AFG1L: variants seen among roughly 807,000 people sequenced by gnomAD.
AFG1L encodes AFG1 like ATPase.
Under a neutral mutation model 62.2 loss-of-function variants are expected in AFG1L, and 53 were observed. The observed-to-expected ratio is 0.85, with a 90% CI of 0.68 to 1.07. The LOEUF (loss-of-function observed/expected upper bound fraction) is 1.07, where lower values mean the gene tolerates loss of function less well. Ranked by LOEUF, AFG1L falls within the 50% of genes least tolerant of loss-of-function variation. The probability of loss-of-function intolerance (pLI) is 0.00; values close to 1 mark genes in which losing one functional copy is unlikely to be tolerated. For missense variants in AFG1L, 555 were observed against 590.5 expected, an observed-to-expected ratio of 0.94 and a Z score of 0.62; for synonymous variants, 228 against 210.3, an observed-to-expected ratio of 1.08 and a Z score of -0.73.
intron 8 of AFG1L, among the ~76,000 whole-genome samples, chr6:108,471,118 G>A (rs760696375): frequency 1.6e-4 from 24 of 152,154 alleles, no homozygotes; most frequent in Non-Finnish European, 2.4e-4. Context: ...TGACAGAATC[G>A]TTTCAACTCT....
chr6:108,377,424 T>C (rs1314183364), intron 6 of AFG1L, among the ~76,000 whole-genome samples: 1 of 152,204 alleles, frequency 6.6e-6, no homozygotes, highest in South Asian at 2.1e-4. Context: ...AGGGATCTAT[T>C]GTAAGGCTGC....
chr6:108,485,390 A>G (rs570209889), intron 10 of AFG1L, among the ~76,000 whole-genome samples: 3 of 151,976 alleles, frequency 2.0e-5, no homozygotes, highest in East Asian at 1.9e-4. Context: ...GAGGGTCTCA[A>G]TGGAAGAGTA....
chr6:108,445,873 A>G (rs560094252), intron 7 of AFG1L, among the ~76,000 whole-genome samples: 1 of 152,278 alleles, frequency 6.6e-6, no homozygotes, highest in South Asian at 2.1e-4. Flanking sequence ...TACTACAAGA[A>G]TTACCAAAAT....
At chr6:108,498,358 T>C (rs888172778) in intron 10 of AFG1L, among the ~76,000 whole-genome samples, 3 of 152,216 alleles carry the variant, frequency 2.0e-5, no homozygotes, top group Non-Finnish European at 4.4e-5. Flanking sequence ...ACATAGGCCT[T>C]CTTCAATTCT....
chr6:108,344,638 A>G (rs1778798500), intron 2 of AFG1L: 1 of 456,380 alleles, frequency 2.2e-6, no homozygotes, highest in Non-Finnish European at 4.5e-6. Flanking sequence ...AGACCCTGAA[A>G]GCTAGGTTTT....
At chr6:108,497,255 T>C (rs529862809) in intron 10 of AFG1L, among the ~76,000 whole-genome samples, 2 of 152,304 alleles carry the variant, frequency 1.3e-5, no homozygotes, top group African/African-American at 4.8e-5. Context: ...GCATAATTTA[T>C]TTTTCTTTGC....
At chr6:108,484,067 G>A (rs1014364759) in intron 10 of AFG1L, among the ~76,000 whole-genome samples, 7 of 152,172 alleles carry the variant, frequency 4.6e-5, no homozygotes, top group African/African-American at 1.4e-4. Flanking sequence ...AGGATGAATA[G>A]CTTTTATCTC....
chr6:108,520,419 G>C (rs899629442), intron 12 of AFG1L: 5 of 152,230 alleles, frequency 3.3e-5, no homozygotes, highest in African/African-American at 1.2e-4. Flanking sequence ...GGAGCTTGGA[G>C]TCTGGTGATT....
chr6:108,395,950 C>T (rs1781280769), intron 6 of AFG1L, among the ~76,000 whole-genome samples: 1 of 152,124 alleles, frequency 6.6e-6, no homozygotes, highest in African/African-American at 2.4e-5. Context: ...TCAAGCAATC[C>T]TCCTACCTCA....
At chr6:108,515,688 T>A (rs961777532) in intron 11 of AFG1L, among the ~76,000 whole-genome samples, 1 of 152,028 alleles carries the variant, frequency 6.6e-6, no homozygotes, top group Non-Finnish European at 1.5e-5. Flanking sequence ...CAAAAAACCC[T>A]TCAAAAAATC....
At chr6:108,298,260 A>ATTTTT (rs779200181) in intron 1 of AFG1L, among the ~76,000 whole-genome samples, 5 of 121,490 alleles carry the variant, frequency 4.1e-5, no homozygotes, top group Non-Finnish European at 8.4e-5. Context: ...GAGGGGAAGA[A>ATTTTT]TTTTTTTTTT....
intron 8 of AFG1L, among the ~76,000 whole-genome samples, chr6:108,465,184 A>G (rs879403300): frequency 4.6e-5 from 7 of 152,196 alleles, no homozygotes; most frequent in Non-Finnish European, 8.8e-5. Context: ...CTTCTATGCT[A>G]TGTGACATTA....
At chr6:108,379,614 G>A (rs537568421) in intron 6 of AFG1L, among the ~76,000 whole-genome samples, 60 of 152,316 alleles carry the variant, frequency 3.9e-4, no homozygotes, top group African/African-American at 1.3e-3. Context: ...GTAGGCACAA[G>A]CACTAGTGCC....
intron 7 of AFG1L, among the ~76,000 whole-genome samples, chr6:108,427,325 A>G (rs1287154422): frequency 2.6e-5 from 4 of 152,054 alleles, no homozygotes; most frequent in Non-Finnish European, 5.9e-5. Context: ...GTGGCGTTAT[A>G]TAATTCTCTT....
chr6:108,485,625 AATATATATATATATATATAT>A (rs35609301), intron 10 of AFG1L, among the ~76,000 whole-genome samples: 1 of 12,156 alleles, frequency 8.2e-5, no homozygotes, highest in Non-Finnish European at 1.5e-4. Context: ...TACGAATTTA[AATATATATATATATATATAT>A]ATATATATAT....
intron 6 of AFG1L, among the ~76,000 whole-genome samples, chr6:108,377,226 G>T (rs1257416875): frequency 6.6e-6 from 1 of 151,954 alleles, no homozygotes; most frequent in Non-Finnish European, 1.5e-5. Flanking sequence ...TTGTAAGTGG[G>T]GCATTTAGAC....
chr6:108,410,612 T>A (rs577225424), intron 7 of AFG1L, among the ~76,000 whole-genome samples: 1 of 152,232 alleles, frequency 6.6e-6, no homozygotes, highest in South Asian at 2.1e-4. Context: ...TAAACAACTT[T>A]AAGATTTTAT....
At position 108,524,629 on chromosome 6, in the gene AFG1L, CT is replaced by C. The variant is rs1775256029; in HGVS notation, c.*2205del. 1 of 152,234 alleles carries C rather than the reference CT, an allele frequency of 6.6e-6. No individual in the cohort carries two copies. Among genetic ancestry groups the C allele is most frequent in the Non-Finnish European group, 1.5e-5 (1 of 68,058 alleles). 9.4% of individuals were successfully genotyped at this position (152,234 alleles called of 1,614,324 possible). ...AAGTAACTGGAGCATGTGCCCACTT[CT>C]GTGCCCCCAATCCGCAATCTCCTTC... On this transcript the variant is annotated 3_prime_UTR_variant, in exon 13 of 13. Coordinates refer to ENST00000368977, the MANE Select transcript of AFG1L (RefSeq NM_145315.5).
chr6:108,388,017 C>T (rs1348618674), intron 6 of AFG1L: 1 of 151,982 alleles, frequency 6.6e-6, no homozygotes, highest in Non-Finnish European at 1.5e-5. Context: ...ACTAACACCC[C>T]ATCTGGTAGT....
Sources: allele counts gnomAD v4.1 joint callset (sites outside exome capture counted in the v4.1 genomes callset), GRCh38; gene constraint gnomAD v4.1.1; transcripts MANE v1.5; gene names NCBI Gene and HGNC (gene_info 2026-07-23, HGNC 2026-07-21).